Variants in FRMD4A observed in about 807,000 individuals in gnomAD.
FRMD4A encodes FERM domain containing 4A, also known as FERM domain-containing protein 4A.
Under a neutral mutation model 129.1 loss-of-function variants are expected in FRMD4A, and 29 were observed. The ratio of observed to expected loss-of-function variants is 0.22; its 90% CI spans 0.17 to 0.31. FRMD4A has a LOEUF of 0.31. Among genes scored for constraint, FRMD4A ranks in the 10% least tolerant of loss-of-function variants. FRMD4A has a pLI of 1.00. For missense variants in FRMD4A, 1,272 were observed against 1,375.8 expected (o/e 0.92, Z 1.19); for synonymous variants, 634 against 571.6 (o/e 1.11, Z -1.56).
chr10:13,726,541 C>T (rs1394728904), intron 12 of FRMD4A, among the ~76,000 whole-genome samples: 1 of 152,236 alleles, frequency 6.6e-6, no homozygotes, highest in Non-Finnish European at 1.5e-5. Context: ...ACTGCCTGTG[C>T]TCAAGTCACC....
chr10:13,671,348 G>A (rs1404586897), intron 16 of FRMD4A, among the ~76,000 whole-genome samples: 1 of 152,120 alleles, frequency 6.6e-6, no homozygotes, highest in Non-Finnish European at 1.5e-5. Flanking sequence ...CAGCTACTTG[G>A]GAAGCTGAGG....
At chr10:13,888,829 T>G (rs1420414687) in intron 2 of FRMD4A, among the ~76,000 whole-genome samples, 1 of 152,232 alleles carries the variant, frequency 6.6e-6, no homozygotes, top group Non-Finnish European at 1.5e-5. Flanking sequence ...GGTTAACTGT[T>G]AGCATGTCTA....
intron 2 of FRMD4A, among the ~76,000 whole-genome samples, chr10:14,138,578 G>T (rs1229146884): frequency 6.6e-6 from 1 of 151,952 alleles, no homozygotes; most frequent in Admixed American, 6.6e-5. Context: ...GGCCAACATG[G>T]TGAAACACCA....
chr10:14,324,705 G>C (rs1222007743), intron 2 of FRMD4A, among the ~76,000 whole-genome samples: 1 of 151,846 alleles, frequency 6.6e-6, no homozygotes, highest in Non-Finnish European at 1.5e-5. Context: ...ACCCAAGCTG[G>C]AGTGCAGTGG....
intron 2 of FRMD4A, among the ~76,000 whole-genome samples, chr10:13,877,008 T>A (rs894745499): frequency 2.6e-5 from 4 of 152,130 alleles, no homozygotes; most frequent in Non-Finnish European, 5.9e-5. Context: ...ACAAGCAGAA[T>A]CAATGTGGAT....
chr10:13,682,491 T>C (rs1412003894), intron 15 of FRMD4A, among the ~76,000 whole-genome samples: 2 of 100,966 alleles, frequency 2.0e-5, no homozygotes, highest in East Asian at 4.0e-4. Context: ...CCCATTTTCT[T>C]TCTTTCTTTT....
chr10:14,010,875 C>A (rs2095679897), intron 2 of FRMD4A, among the ~76,000 whole-genome samples: 1 of 152,104 alleles, frequency 6.6e-6, no homozygotes, highest in Non-Finnish European at 1.5e-5. Flanking sequence ...TTCATACTCT[C>A]ACAGTTATGA....
In FRMD4A at chr10:14,330,875, G is replaced by A. The variant is rs1252720499; in HGVS notation, c.-360C>T. The stretch of plus-strand genomic sequence containing the variant: ...AACATGGAATTGCACTGCCTGTTCT[G>A]TGAGCGTTCTGATCTCCCTGGCTGT... On this transcript the variant is annotated 5_prime_UTR_variant, in exon 1 of 25. Transcript: ENST00000357447. 14 of 398,540 alleles carry A rather than the reference G, an allele frequency of 3.5e-5. No homozygotes were observed. The highest frequency in any genetic ancestry group is 5.7e-5 in the Non-Finnish European group (13 of 226,138). 24.7% of individuals were successfully genotyped at this position (398,540 alleles called of 1,614,324 possible).
intron 2 of FRMD4A, among the ~76,000 whole-genome samples, chr10:13,964,267 A>G (rs2095468689): frequency 6.6e-6 from 1 of 152,144 alleles, no homozygotes. Flanking sequence ...AACCAAACAC[A>G]ATCCCCCTCC....
chr10:13,866,894 G>C (rs1264367258), intron 2 of FRMD4A, among the ~76,000 whole-genome samples: 2 of 152,188 alleles, frequency 1.3e-5, no homozygotes, highest in Non-Finnish European at 2.9e-5. Flanking sequence ...GTTGCAGTGA[G>C]CTGAGATCCA....
intron 2 of FRMD4A, among the ~76,000 whole-genome samples, chr10:13,885,902 T>A (rs1037073045): frequency 4.6e-5 from 7 of 151,712 alleles, no homozygotes; most frequent in African/African-American, 1.7e-4. Context: ...CACCCTCCCA[T>A]CTCTCCTTCT....
intron 17 of FRMD4A, chr10:13,667,380 T>A (rs1385954815): frequency 1.8e-5 from 1 of 55,328 alleles, no homozygotes; most frequent in African/African-American, 7.1e-5. Context: ...GTCCTTCCCC[T>A]CTTTTTACTG....
At chr10:13,869,608 A>G (rs1181068676) in intron 2 of FRMD4A, among the ~76,000 whole-genome samples, 3 of 152,222 alleles carry the variant, frequency 2.0e-5, no homozygotes, top group African/African-American at 7.2e-5. Context: ...TGGGGAGCAC[A>G]GGGCAGAAGC....
In FRMD4A at chr10:13,700,208, G is replaced by A. The variant is rs73592237; in HGVS notation, c.975+1132C>T. ...AGTGATCCTCCTGCCTTGGCCTCCC[G>A]AAGCGCTGAGACTACAGATGTGAGC... is the stretch of plus-strand genomic sequence containing the variant. On this transcript the variant is annotated intron_variant, in intron 14 of 24. Coordinates refer to ENST00000357447, the MANE Select transcript of FRMD4A (RefSeq NM_018027.5). Among the ~76,000 whole-genome samples the A allele has an allele frequency of 2.5e-3, 380 of 151,592 alleles. 2 individuals carry two copies. Among genetic ancestry groups the A allele is most frequent in the African/African-American group, 8.2e-3 (340 of 41,328 alleles).
intron 2 of FRMD4A, among the ~76,000 whole-genome samples, chr10:14,277,077 C>T (rs1589255972): frequency 6.6e-6 from 1 of 152,254 alleles, no homozygotes; most frequent in East Asian, 1.9e-4. Context: ...CTTGCCCAGG[C>T]TGGTCTTGAA....
chr10:13,932,937 G>A (rs1424654491), intron 2 of FRMD4A, among the ~76,000 whole-genome samples: 4 of 152,120 alleles, frequency 2.6e-5, no homozygotes, highest in African/African-American at 7.2e-5. Flanking sequence ...GAGGCGGGTG[G>A]ATCACCTGAG....
chr10:13,841,986 C>T lies in FRMD4A; in HGVS notation c.111+16861G>A, dbSNP rs541213715. 8.5e-5 allele frequency among the ~76,000 whole-genome samples: 13 copies of T among 152,218 alleles called. No individual in the cohort carries two copies. The South Asian group carries it at 1.7e-3, about 19-fold the overall frequency. On this transcript the variant is annotated intron_variant, in intron 3 of 24. Coordinates refer to ENST00000357447, the MANE Select transcript of FRMD4A (RefSeq NM_018027.5). ...GGTGGTTAGTGCCAGAATTGCACCG[C>T]GATATTACAACTATCCTTCCTCTTG... is the stretch of plus-strand genomic sequence containing the variant.
At chr10:14,122,607 G>C (rs370000021) in intron 2 of FRMD4A, among the ~76,000 whole-genome samples, 3 of 151,568 alleles carry the variant, frequency 2.0e-5, no homozygotes, top group Admixed American at 6.6e-5. Context: ...AGTGGGGTGG[G>C]GGGTAGGGGA....
intron 2 of FRMD4A, among the ~76,000 whole-genome samples, chr10:13,990,750 G>A (rs1228836888): frequency 2.0e-5 from 3 of 152,196 alleles, no homozygotes; most frequent in Non-Finnish European, 2.9e-5. Context: ...ACTCAGAAAC[G>A]TGTAAGTGCC....
Sources: gnomAD v4.1 joint callset for allele counts (sites outside exome capture counted in the v4.1 genomes callset) on GRCh38, gnomAD v4.1.1 for gene constraint, MANE v1.5 for transcripts, NCBI Gene and HGNC (gene_info 2026-07-23, HGNC 2026-07-21) for gene names.